Variants in XKR6 observed in about 807,000 individuals in gnomAD.
XKR6 encodes the protein XK-related protein 6.
In XKR6, 22 loss-of-function variants were observed where a neutral mutation model predicts 56.7. That is an observed-to-expected ratio of 0.39 (90% CI 0.28 to 0.55). The LOEUF is 0.55. XKR6 is among the 20% of genes least tolerant of loss of function. XKR6 has a pLI of 0.66. For synonymous variants in XKR6, 524 were observed against 387.8 expected (o/e 1.35, Z -4.13); for missense variants, 852 against 889.0 (o/e 0.96, Z 0.53).
intron 1 of XKR6, among the ~76,000 whole-genome samples, chr8:11,181,473 G>C (rs975854452): frequency 2.8e-4 from 43 of 152,076 alleles, no homozygotes; most frequent in African/African-American, 9.7e-4. Context: ...TTTTCTTCTG[G>C]TTCCACTCAA....
intron 1 of XKR6, among the ~76,000 whole-genome samples, chr8:11,083,107 G>A (rs1462809651): frequency 2.0e-5 from 3 of 152,078 alleles, no homozygotes; most frequent in Admixed American, 2.0e-4. Context: ...GCAGAACTAG[G>A]CCACTCTCCA....
chr8:10,925,406 C>A (rs959252362), intron 1 of XKR6, among the ~76,000 whole-genome samples: 1 of 152,184 alleles, frequency 6.6e-6, no homozygotes, highest in African/African-American at 2.4e-5. Flanking sequence ...TGCACAGGCT[C>A]CTGTCGCCGG....
chr8:11,108,558 T>C (rs1798767582), intron 1 of XKR6: 2 of 355,292 alleles, frequency 5.6e-6, no homozygotes, highest in South Asian at 4.3e-5. Flanking sequence ...TCAGCGGCCT[T>C]AGTGCCTTGG....
intron 1 of XKR6, among the ~76,000 whole-genome samples, chr8:11,134,969 C>A (rs1471367952): frequency 1.3e-5 from 2 of 151,472 alleles, no homozygotes; most frequent in Admixed American, 6.6e-5. Flanking sequence ...AGGCTGGCTA[C>A]AAATTTTGAT....
chr8:11,026,393 A>G (rs1417706422), intron 1 of XKR6, among the ~76,000 whole-genome samples: 1 of 150,852 alleles, frequency 6.6e-6, no homozygotes, highest in Admixed American at 6.6e-5. Flanking sequence ...ACACACTTAG[A>G]TGGTCTAGCC....
intron 1 of XKR6, among the ~76,000 whole-genome samples, chr8:11,099,921 G>A (rs1798405192): frequency 6.6e-6 from 1 of 152,214 alleles, no homozygotes; most frequent in Non-Finnish European, 1.5e-5. Context: ...CACATGGGGA[G>A]GAGCATCCTA....
At chr8:10,997,050 G>A (rs925333822) in intron 1 of XKR6, among the ~76,000 whole-genome samples, 3 of 152,112 alleles carry the variant, frequency 2.0e-5, no homozygotes, top group Non-Finnish European at 4.4e-5. Context: ...ACACACACAT[G>A]TACGCCACAA....
intron 1 of XKR6, among the ~76,000 whole-genome samples, chr8:11,125,119 A>G (rs1349118545): frequency 2.0e-5 from 3 of 151,772 alleles, no homozygotes; most frequent in East Asian, 1.9e-4. Context: ...AGAAAAGAAA[A>G]AAAAAGTATT....
Position 10,898,215 on chromosome 8 carries a change from T to G in XKR6, c.1663A>C (p.Thr555Pro), listed in dbSNP as rs1386510431. 4.3e-6 allele frequency: 7 copies of G among 1,614,022 alleles called. No individual in the cohort carries two copies. The African/African-American group carries it at 9.3e-5, about 22-fold the overall frequency. Residue 555 changes from threonine (T) to proline (P), a missense_variant, in exon 3 of 3, where the codon ACG becomes CCG. Thr to Pro is a conservative substitution (Grantham distance 38). Coordinates refer to ENST00000416569, the MANE Select transcript of XKR6 (RefSeq NM_173683.4). The surrounding 1 kb of genome is among the most constrained non-coding windows in gnomAD (Gnocchi z 6.6). Reference protein sequence around the residue: ...RAVTEQQEDLTADTCLPVFQV... With the variant: ...RAVTEQQEDLPADTCLPVFQV... ...AAAACAGGCAAGCAAGTGTCAGCCG[T>G]GAGATCCTCCTGTTGTTCCGTTACG... is the stretch of plus-strand genomic sequence containing the variant.
At chr8:11,153,092 G>T (rs1801343067) in intron 1 of XKR6, among the ~76,000 whole-genome samples, 1 of 152,262 alleles carries the variant, frequency 6.6e-6, no homozygotes, top group East Asian at 1.9e-4. Flanking sequence ...ATTACCCAGT[G>T]AATTATTATT....
At chr8:10,956,960 C>CT (rs906759249) in intron 1 of XKR6, among the ~76,000 whole-genome samples, 8 of 151,936 alleles carry the variant, frequency 5.3e-5, no homozygotes, top group South Asian at 2.1e-4. Flanking sequence ...GTATTTTTTT[C>CT]TTTTTTTTGA....
intron 1 of XKR6, among the ~76,000 whole-genome samples, chr8:10,947,210 GA>G (rs984512660): frequency 3.3e-5 from 5 of 152,184 alleles, no homozygotes; most frequent in African/African-American, 1.2e-4. Context: ...AGTGGCAGAG[GA>G]AAAGAGAGAA....
rs534573565 is a variant in XKR6, at chr8:11,175,069, C to G, written c.764+25507G>C. On this transcript the variant is annotated intron_variant, in intron 1 of 2. Transcript: ENST00000416569. ...GAAAACGGTTCACTACTCACTTGAC[C>G]CAGAAAACCCTACACAATCATGAAA... 2.0e-5 allele frequency: 3 copies of G among 152,412 alleles called. No individual in the cohort carries two copies. The East Asian group carries it at 5.8e-4, about 29-fold the overall frequency. 9.4% of individuals were successfully genotyped at this position (152,412 alleles called of 1,614,324 possible). A position where few individuals can be genotyped will look rare whatever the true frequency, so the allele number is the denominator to read the frequency against.
intron 1 of XKR6, among the ~76,000 whole-genome samples, chr8:10,928,443 G>T (rs1401875658): frequency 6.6e-6 from 1 of 152,242 alleles, no homozygotes; most frequent in African/African-American, 2.4e-5. Flanking sequence ...GAAGGCATAA[G>T]CCATGTCCCC....
intron 1 of XKR6, among the ~76,000 whole-genome samples, chr8:10,968,030 C>T (rs541395960): frequency 1.3e-5 from 2 of 152,328 alleles, no homozygotes; most frequent in African/African-American, 4.8e-5. Flanking sequence ...CACCTGTGGA[C>T]ATGCAGAGGC....
chr8:11,029,722 C>G (rs961299166), intron 1 of XKR6, among the ~76,000 whole-genome samples: 2 of 152,064 alleles, frequency 1.3e-5, no homozygotes, highest in African/African-American at 2.4e-5. Context: ...TTGCCAGTCC[C>G]CCCATTTCCT....
At chr8:11,164,418 T>C (rs1163461311) in intron 1 of XKR6, among the ~76,000 whole-genome samples, 1 of 152,202 alleles carries the variant, frequency 6.6e-6, no homozygotes, top group Non-Finnish European at 1.5e-5. Context: ...TCATCGCCCC[T>C]GCATTTACGT....
At chr8:11,135,571 T>C (rs916624101) in intron 1 of XKR6, among the ~76,000 whole-genome samples, 2 of 152,176 alleles carry the variant, frequency 1.3e-5, no homozygotes, top group Non-Finnish European at 2.9e-5. Context: ...TTTCTAATTC[T>C]TGCTGTTATC....
chr8:11,145,940 C>T (rs1413469441), intron 1 of XKR6, among the ~76,000 whole-genome samples: 1 of 152,034 alleles, frequency 6.6e-6, no homozygotes, highest in Non-Finnish European at 1.5e-5. Flanking sequence ...GACTTCAAGA[C>T]TTTATAATGA....
Sources: allele counts gnomAD v4.1 joint callset (sites outside exome capture counted in the v4.1 genomes callset), GRCh38; gene constraint gnomAD v4.1.1; non-coding constraint Gnocchi (gnomAD v3.1); transcripts MANE v1.5; gene names NCBI Gene and HGNC (gene_info 2026-07-23, HGNC 2026-07-21).